The following PALS2 variants were observed in gnomAD, a reference collection of about 807,000 sequenced individuals.
PALS2 encodes protein associated with LIN7 2, MAGUK p55 family member, also known as protein PALS2.
PALS2 carries 27 observed loss-of-function variants against 61.6 expected under a neutral mutation model. That is an observed-to-expected ratio of 0.44 (90% CI 0.32 to 0.60). The LOEUF (loss-of-function observed/expected upper bound fraction) is 0.60. Among genes scored for constraint, PALS2 ranks in the 20% least tolerant of loss-of-function variants. PALS2 has a pLI of 0.05. For synonymous variants in PALS2, 236 were observed against 218.6 expected (o/e 1.08, Z -0.70); for missense variants, 554 against 639.4 (o/e 0.87, Z 1.44).
At chr7:24,609,752 G>T (rs543706618) in intron 1 of PALS2, among the ~76,000 whole-genome samples, 150 of 151,960 alleles carry the variant, frequency 9.9e-4, no homozygotes, top group Non-Finnish European at 1.8e-3. Context: ...TCCCCAAAGA[G>T]AACAAACCCC....
At chr7:24,600,735 G>C (rs947074369) in intron 1 of PALS2, among the ~76,000 whole-genome samples, 5 of 152,018 alleles carry the variant, frequency 3.3e-5, no homozygotes, top group African/African-American at 1.2e-4. Context: ...ATGTTTTACT[G>C]AAATATATTT....
At chr7:24,645,000 T>TAA (rs34929862) in intron 3 of PALS2, among the ~76,000 whole-genome samples, 76,494 of 151,664 alleles carry the variant, frequency 0.5, 23,011 homozygotes, top group African/African-American at 0.83. Flanking sequence ...AAAGAACTTG[T>TAA]ATTTGTTTAA....
intron 2 of PALS2, chr7:24,624,023 G>T: frequency 7.8e-7 from 1 of 1,282,658 alleles, no homozygotes; most frequent in Non-Finnish European, 1.1e-6. Flanking sequence ...TGCCTTTAAG[G>T]TTTAGAGAAA....
At chr7:24,670,668 C>T (rs534490752) in intron 9 of PALS2, among the ~76,000 whole-genome samples, 2 of 152,320 alleles carry the variant, frequency 1.3e-5, no homozygotes, top group Admixed American at 6.5e-5. Flanking sequence ...TCTTCATCAT[C>T]GCCAAAAGAA....
At chr7:24,599,385 A>T (rs1310880445) in intron 1 of PALS2, among the ~76,000 whole-genome samples, 2 of 151,820 alleles carry the variant, frequency 1.3e-5, no homozygotes, top group African/African-American at 2.4e-5. Context: ...AATTAACCTT[A>T]TCTTACTATA....
rs1263683256 is a variant in PALS2, at chr7:24,693,437, C to T, written c.*5823C>T. On this transcript the variant is annotated 3_prime_UTR_variant, in exon 12 of 12. Transcript: ENST00000222644. ...AGCATACTCATCTGATGTAAAAACTCATCAGCTGTAAATTACCAACATTAA... is the reference window on the plus strand; with the variant it reads ...AGCATACTCATCTGATGTAAAAACTTATCAGCTGTAAATTACCAACATTAA... The T allele has an allele frequency of 6.6e-6, 1 of 152,160 alleles. No individual in the cohort carries two copies. Among genetic ancestry groups the T allele is most frequent in the African/African-American group, 2.4e-5 (1 of 41,450 alleles). The allele number at this position is 152,160 out of a possible 1,614,324, so 9.4% of individuals were successfully genotyped here. A position where few individuals can be genotyped will look rare whatever the true frequency, so the allele number is the denominator to read the frequency against.
At chr7:24,683,752 GTGCTAGCATATATGCTTT>G in intron 11 of PALS2, among the ~76,000 whole-genome samples, 1 of 152,256 alleles carries the variant, frequency 6.6e-6, no homozygotes. Context: ...TATGTGGACA[GTGCTAGCATATATGCTTT>G]TCTGTTTGTA....
chr7:24,691,838 C>T lies in PALS2; in HGVS notation c.*4224C>T, dbSNP rs1402713231. ...GCTGTGAGAATTCATGTAATAACATCTGTAATGTATTTGGAATTTTTGGGA... is the reference window on the plus strand; with the variant it reads ...GCTGTGAGAATTCATGTAATAACATTTGTAATGTATTTGGAATTTTTGGGA... On this transcript the variant is annotated 3_prime_UTR_variant, in exon 12 of 12. Coordinates refer to ENST00000222644, the MANE Select transcript of PALS2 (RefSeq NM_001303037.2). The T allele has an allele frequency of 6.6e-6, 1 of 152,020 alleles. No individual in the cohort carries two copies. Among genetic ancestry groups the T allele is most frequent in the Non-Finnish European group, 1.5e-5 (1 of 67,952 alleles). 9.4% of individuals were successfully genotyped at this position (152,020 alleles called of 1,614,324 possible).
At chr7:24,586,155 A>G (rs970945733) in intron 1 of PALS2, among the ~76,000 whole-genome samples, 26 of 147,676 alleles carry the variant, frequency 1.8e-4, no homozygotes, top group Non-Finnish European at 3.5e-4. Context: ...AGGCTTTGCT[A>G]TTTTTTTTTT....
At chr7:24,592,735 A>G (rs1250233179) in intron 1 of PALS2, among the ~76,000 whole-genome samples, 1 of 152,154 alleles carries the variant, frequency 6.6e-6, no homozygotes, top group African/African-American at 2.4e-5. Context: ...TAGATTATTA[A>G]GTATACAATA....
chr7:24,607,715 T>A (rs185503683), intron 1 of PALS2, among the ~76,000 whole-genome samples: 1 of 151,886 alleles, frequency 6.6e-6, no homozygotes, highest in African/African-American at 2.4e-5. Flanking sequence ...GGATGCTGAT[T>A]GCCACACTAA....
At chr7:24,621,520 A>G (rs1784518422) in intron 1 of PALS2, among the ~76,000 whole-genome samples, 1 of 152,110 alleles carries the variant, frequency 6.6e-6, no homozygotes, top group Non-Finnish European at 1.5e-5. Context: ...AACCTCTAGT[A>G]TTCTAACAGA....
At position 24,687,799 on chromosome 7, in the gene PALS2, A is replaced by G. The variant is rs566737770; in HGVS notation, c.*185A>G. 8.1e-4 allele frequency: 366 copies of G among 450,586 alleles called. No homozygotes were observed. Among genetic ancestry groups the G allele is most frequent in the Non-Finnish European group, 1.1e-3 (293 of 270,382 alleles). The allele number at this position is 450,586 out of a possible 1,614,324, so 27.9% of individuals were successfully genotyped here. ...ATAAAATGTGGTTGGAAGGTGTACT[A>G]ATATATAATTTATCTTAATTTTTCT... On this transcript the variant is annotated 3_prime_UTR_variant, in exon 12 of 12. Coordinates refer to ENST00000222644, the MANE Select transcript of PALS2 (RefSeq NM_001303037.2). This position sits in a 1 kb window ranked among gnomAD's most constrained non-coding sequence, Gnocchi z 4.5.
intron 1 of PALS2, among the ~76,000 whole-genome samples, chr7:24,587,778 A>G (rs1783129303): frequency 6.6e-6 from 1 of 152,138 alleles, no homozygotes; most frequent in Non-Finnish European, 1.5e-5. Flanking sequence ...TCAATTTCAT[A>G]AAAGAACACT....
chr7:24,690,048 C>A lies in PALS2; in HGVS notation c.*2434C>A, dbSNP rs915912321. ...GAAAATATACTTAAAGGAATTATTT[C>A]TATTATAAATGGTATTCATGATTGA... On this transcript the variant is annotated 3_prime_UTR_variant, in exon 12 of 12. Transcript: ENST00000222644. 6.6e-6 allele frequency: 1 copy of A among 152,180 alleles called. No homozygotes were observed. Among genetic ancestry groups the A allele is most frequent in the African/African-American group, 2.4e-5 (1 of 41,442 alleles). The allele number at this position is 152,180 out of a possible 1,614,324, so 9.4% of individuals were successfully genotyped here.
At chr7:24,680,566 T>C in intron 11 of PALS2, 46 bp downstream of exon 11, 5 of 1,575,634 alleles carry the variant, frequency 3.2e-6, no homozygotes, top group Non-Finnish European at 2.6e-6. Context: ...TCCTTTTCTT[T>C]TGAGCATGTT....
intron 11 of PALS2, among the ~76,000 whole-genome samples, chr7:24,681,329 T>G (rs1562665297): frequency 6.6e-6 from 1 of 152,188 alleles, no homozygotes; most frequent in African/African-American, 2.4e-5. Context: ...ATTTCTTGTT[T>G]TAATTAGACC....
rs748165573 is a variant in PALS2 at position 24,680,350 on chromosome 7, C to G, written c.1318-42C>G. On this transcript the variant is annotated intron_variant, in intron 10 of 11. Transcript: ENST00000222644. ...ACTAAAGGGTAGCAGAATTCTAGTT[C>G]TAATATTGTATAAATTGGCTTATAA... 3.2e-6 allele frequency: 5 copies of G among 1,574,150 alleles called. No homozygotes were observed. The African/African-American group carries it at 5.4e-5, about 17-fold the overall frequency.
chr7:24,647,534 A>G (rs1015588891), intron 3 of PALS2, among the ~76,000 whole-genome samples: 2 of 152,000 alleles, frequency 1.3e-5, no homozygotes, highest in Non-Finnish European at 2.9e-5. Flanking sequence ...ATCTTATTCT[A>G]GCTTTTGGGT....
Sources: allele counts gnomAD v4.1 joint callset (sites outside exome capture counted in the v4.1 genomes callset), GRCh38; gene constraint gnomAD v4.1.1; non-coding constraint Gnocchi (gnomAD v3.1); transcripts MANE v1.5; gene names NCBI Gene and HGNC (gene_info 2026-07-23, HGNC 2026-07-21).